The following CNTN4 variants were observed in gnomAD, a reference collection of about 807,000 sequenced individuals.
CNTN4 encodes contactin-4.
Under a neutral mutation model 122.5 loss-of-function variants are expected in CNTN4, and 77 were observed. The observed-to-expected ratio is 0.63, with a 90% confidence interval of 0.52 to 0.76. The LOEUF (loss-of-function observed/expected upper bound fraction) is 0.76, where lower values mean the gene tolerates loss of function less well. Ranked by LOEUF, CNTN4 falls within the 30% of genes least tolerant of loss-of-function variation. The probability of loss-of-function intolerance (pLI) is 0.00; values close to 1 mark genes in which losing one functional copy is unlikely to be tolerated. For synonymous variants in CNTN4, 512 were observed against 447.0 expected (o/e 1.15, Z -1.83); for missense variants, 1,256 against 1,259.1 (o/e 1.00, Z 0.04).
At chr3:2,515,868 A>G (rs2077024704) in intron 3 of CNTN4, among the ~76,000 whole-genome samples, 1 of 152,006 alleles carries the variant, frequency 6.6e-6, no homozygotes, top group South Asian at 2.1e-4. Flanking sequence ...ATGGAATGGC[A>G]CAAAAATTTA....
intron 5 of CNTN4, among the ~76,000 whole-genome samples, chr3:2,739,672 A>G (rs2149512768): frequency 6.6e-6 from 1 of 152,350 alleles, no homozygotes; most frequent in African/African-American, 2.4e-5. Flanking sequence ...AAATTAACAT[A>G]AAGCAGATCA....
At position 2,786,179 on chromosome 3, in the gene CNTN4, C is replaced by T. The variant is rs565402035; in HGVS notation, c.359-33307C>T. On this transcript the variant is annotated intron_variant, in intron 6 of 24. Coordinates refer to ENST00000418658, the MANE Select transcript of CNTN4 (RefSeq NM_175607.3). ...CAGTAAAAGCCTCCACATTCACCAC[C>T]CTCCAATTTGTTTGTATGACCTCAT... Among the ~76,000 whole-genome samples the T allele has an allele frequency of 2.6e-5, 4 of 152,170 alleles. No individual in the cohort carries two copies. In the South Asian group the frequency reaches 6.2e-4, roughly 24 times the overall value.
At chr3:2,465,392 A>G (rs1481002593) in intron 3 of CNTN4, among the ~76,000 whole-genome samples, 1 of 152,160 alleles carries the variant, frequency 6.6e-6, no homozygotes, top group Non-Finnish European at 1.5e-5. Flanking sequence ...AAATAAAAAT[A>G]ATGTCCGGGC....
At chr3:2,172,994 A>G (rs2036583795) in intron 2 of CNTN4, among the ~76,000 whole-genome samples, 2 of 152,228 alleles carry the variant, frequency 1.3e-5, no homozygotes, top group African/African-American at 2.4e-5. Context: ...CAGAACAACT[A>G]TCAGTGATCT....
At chr3:2,322,938 A>C (rs954346131) in intron 2 of CNTN4, among the ~76,000 whole-genome samples, 1 of 152,224 alleles carries the variant, frequency 6.6e-6, no homozygotes, top group South Asian at 2.1e-4. Flanking sequence ...TGGATTTCAC[A>C]TTGATGGAAT....
At chr3:3,012,343 G>T (rs1697313066) in intron 14 of CNTN4, among the ~76,000 whole-genome samples, 1 of 152,148 alleles carries the variant, frequency 6.6e-6, no homozygotes, top group Non-Finnish European at 1.5e-5. Flanking sequence ...TGAGGTAAAC[G>T]TGGAGGCATC....
Position 2,880,883 on chromosome 3 carries a change from T to G in CNTN4, c.653-2262T>G, listed in dbSNP as rs185115458. Reference sequence around the variant, plus strand: ...GATTAGAACTGTGATTTTTAACCTATGGAGGGATAAGCGTCCCTTCAAGAA... The same window carrying G: ...GATTAGAACTGTGATTTTTAACCTAGGGAGGGATAAGCGTCCCTTCAAGAA... On this transcript the variant is annotated intron_variant, in intron 8 of 24. Coordinates refer to ENST00000418658, the MANE Select transcript of CNTN4 (RefSeq NM_175607.3). Among the ~76,000 whole-genome samples, 33 of 152,256 alleles carry G rather than the reference T, an allele frequency of 2.2e-4. No individual in the cohort carries two copies. The East Asian group carries it at 5.8e-3, about 27-fold the overall frequency.
chr3:2,638,928 A>C (rs561751977), intron 4 of CNTN4, among the ~76,000 whole-genome samples: 2 of 152,164 alleles, frequency 1.3e-5, no homozygotes, highest in Non-Finnish European at 2.9e-5. Context: ...CCATGCTACC[A>C]TTCTGGTCTG....
intron 3 of CNTN4, among the ~76,000 whole-genome samples, chr3:2,431,372 G>A (rs569298475): frequency 1.1e-3 from 169 of 152,210 alleles, no homozygotes; most frequent in African/African-American, 3.6e-3. Flanking sequence ...TTATATGTAC[G>A]TGTATGTAGG....
chr3:2,149,688 G>A (rs1027581606), intron 2 of CNTN4, among the ~76,000 whole-genome samples: 1 of 152,108 alleles, frequency 6.6e-6, no homozygotes, highest in African/African-American at 2.4e-5. Flanking sequence ...TTTAAGAATA[G>A]TAATGTTTAC....
intron 7 of CNTN4, among the ~76,000 whole-genome samples, chr3:2,830,810 A>C (rs1371581881): frequency 6.6e-6 from 1 of 152,216 alleles, no homozygotes; most frequent in African/African-American, 2.4e-5. Flanking sequence ...CTACATTTTT[A>C]GCAATGAATA....
intron 2 of CNTN4, among the ~76,000 whole-genome samples, chr3:2,193,487 C>G (rs889537913): frequency 3.3e-5 from 5 of 152,094 alleles, no homozygotes; most frequent in Non-Finnish European, 4.4e-5. Context: ...TTAAAGGATA[C>G]TGTAGTAAAG....
At chr3:2,318,136 C>A (rs2043171265) in intron 2 of CNTN4, among the ~76,000 whole-genome samples, 1 of 151,050 alleles carries the variant, frequency 6.6e-6, no homozygotes, top group South Asian at 2.1e-4. Context: ...TGCTTGGGCC[C>A]ATGATATTGA....
chr3:2,798,053 AT>A (rs374395042), intron 6 of CNTN4, among the ~76,000 whole-genome samples: 46,337 of 124,236 alleles, frequency 0.37, 8,005 homozygotes, highest in Non-Finnish European at 0.44. Context: ...CCCATTAAGT[AT>A]TTTTTTTTAA....
chr3:2,588,447 A>G (rs1366336365), intron 4 of CNTN4, among the ~76,000 whole-genome samples: 1 of 150,792 alleles, frequency 6.6e-6, no homozygotes, highest in African/African-American at 2.4e-5. Context: ...GCTCACTGCA[A>G]CCTCTGCCTC....
At chr3:2,144,292 G>GA (rs1407190866) in intron 2 of CNTN4, 2 of 152,150 alleles carry the variant, frequency 1.3e-5, no homozygotes, top group African/African-American at 2.4e-5. Flanking sequence ...TTCCAGCCTT[G>GA]AAATTATTCT....
At chr3:2,691,487 T>G (rs2085737452) in intron 4 of CNTN4, among the ~76,000 whole-genome samples, 1 of 152,118 alleles carries the variant, frequency 6.6e-6, no homozygotes, top group African/African-American at 2.4e-5. Flanking sequence ...GTTGTGTGGC[T>G]CCAGGACATT....
chr3:2,238,765 TC>T (rs2039786988), intron 2 of CNTN4: 1 of 86,994 alleles, frequency 1.1e-5, no homozygotes, highest in Non-Finnish European at 2.5e-5. Context: ...TCTGGCCCTG[TC>T]GCCCAGGCTG....
chr3:2,454,052 C>A (rs1044688526), intron 3 of CNTN4, among the ~76,000 whole-genome samples: 6 of 143,934 alleles, frequency 4.2e-5, no homozygotes, highest in Admixed American at 2.1e-4. Context: ...TATAATCAGC[C>A]CCATATTATA....
Sources: allele counts gnomAD v4.1 joint callset (sites outside exome capture counted in the v4.1 genomes callset), GRCh38; gene constraint gnomAD v4.1.1; transcripts MANE v1.5; gene names NCBI Gene and HGNC (gene_info 2026-07-23, HGNC 2026-07-21).